FABP12: variants seen among roughly 807,000 people sequenced by gnomAD.
FABP12 encodes fatty acid-binding protein 12.
Under a neutral mutation model 13.7 loss-of-function variants are expected in FABP12, and 19 were observed. The ratio of observed to expected loss-of-function variants is 1.39; its 90% CI spans 0.97 to 2.04. FABP12 has a LOEUF of 2.04. FABP12 is among the 30% of genes most tolerant of loss of function. The pLI is 0.00. For missense variants in FABP12, 182 were observed against 164.2 expected (o/e 1.11, Z -0.59); for synonymous variants, 61 against 57.0 (o/e 1.07, Z -0.32).
intron 1 of FABP12, among the ~76,000 whole-genome samples, chr8:81,584,496 A>G (rs1810212851): frequency 6.6e-6 from 1 of 152,192 alleles, no homozygotes; most frequent in Admixed American, 6.5e-5. Context: ...AGTCCTCACA[A>G]TTTCTGAGAC....
At chr8:81,587,386 T>G (rs980334060) in intron 1 of FABP12, among the ~76,000 whole-genome samples, 7 of 152,184 alleles carry the variant, frequency 4.6e-5, no homozygotes, top group Non-Finnish European at 1.0e-4. Flanking sequence ...TTGGGCAGTA[T>G]GGCCATTTTA....
At chr8:81,548,416 G>C (rs1585844929) in intron 1 of FABP12, among the ~76,000 whole-genome samples, 1 of 152,190 alleles carries the variant, frequency 6.6e-6, no homozygotes, top group Admixed American at 6.5e-5. Context: ...AATCGTGTGA[G>C]ATGTATTCAA....
At chr8:81,545,874 C>T (rs73277219) in intron 1 of FABP12, among the ~76,000 whole-genome samples, 2,440 of 152,202 alleles carry the variant, frequency 0.016, 60 homozygotes, top group African/African-American at 0.056. Context: ...CGAATCAATC[C>T]ACTTGGGAAT....
At chr8:81,585,112 G>A (rs1362784990) in intron 1 of FABP12, among the ~76,000 whole-genome samples, 1 of 152,042 alleles carries the variant, frequency 6.6e-6, no homozygotes. Flanking sequence ...TCAGTTTTCG[G>A]TTTTGTTTCC....
chr8:81,534,175 ACC>A, upstream of FABP12, among the ~76,000 whole-genome samples: 1 of 151,708 alleles, frequency 6.6e-6, no homozygotes, highest in South Asian at 2.1e-4. Context: ...TCTCACTAAC[ACC>A]TCCAGCACCG....
At chr8:81,551,300 T>C (rs986577460) in intron 1 of FABP12, among the ~76,000 whole-genome samples, 4 of 152,160 alleles carry the variant, frequency 2.6e-5, no homozygotes, top group African/African-American at 4.8e-5. Context: ...AACAGTGATC[T>C]CAAACCTCAG....
At chr8:81,569,835 C>A (rs1033328304) in intron 1 of FABP12, among the ~76,000 whole-genome samples, 3 of 152,174 alleles carry the variant, frequency 2.0e-5, no homozygotes, top group African/African-American at 4.8e-5. Flanking sequence ...TGGGGTGTTG[C>A]TTTTCTGGCC....
At chr8:81,572,758 G>T (rs939688185) in intron 1 of FABP12, among the ~76,000 whole-genome samples, 1 of 151,970 alleles carries the variant, frequency 6.6e-6, no homozygotes, top group South Asian at 2.1e-4. Context: ...TTCTTTTGAG[G>T]ATTATCTATT....
chr8:81,567,076 A>G (rs1809835253), intron 1 of FABP12, among the ~76,000 whole-genome samples: 1 of 152,190 alleles, frequency 6.6e-6, no homozygotes, highest in Non-Finnish European at 1.5e-5. Flanking sequence ...AAAATTAAAT[A>G]CCAATAAATT....
At chr8:81,548,182 C>A (rs528287166) in intron 1 of FABP12, among the ~76,000 whole-genome samples, 5 of 152,276 alleles carry the variant, frequency 3.3e-5, no homozygotes, top group African/African-American at 1.2e-4. Flanking sequence ...GTAATTAAAT[C>A]AGAAGCTCTG....
intron 3 of FABP12, 23 bp downstream of exon 3, chr8:81,529,415 T>C (rs748191893): frequency 1.2e-6 from 2 of 1,610,948 alleles, no homozygotes; most frequent in South Asian, 2.2e-5. Flanking sequence ...GAAATGTGTC[T>C]GAAAGACTGT....
intron 3 of FABP12, among the ~76,000 whole-genome samples, chr8:81,527,818 G>A (rs931246896): frequency 6.6e-6 from 1 of 152,112 alleles, no homozygotes; most frequent in African/African-American, 2.4e-5. Context: ...AATTAGCCAG[G>A]TGTTGTGGCA....
chr8:81,574,871 T>G (rs577442637), intron 1 of FABP12, among the ~76,000 whole-genome samples: 1 of 152,116 alleles, frequency 6.6e-6, no homozygotes, highest in Admixed American at 6.5e-5. Flanking sequence ...TAATGGTCTA[T>G]CAATTTTATT....
At chr8:81,565,024 C>T (rs1024256631) in intron 1 of FABP12, among the ~76,000 whole-genome samples, 2 of 151,286 alleles carry the variant, frequency 1.3e-5, no homozygotes, top group Non-Finnish European at 3.0e-5. Flanking sequence ...CAAAACAGAG[C>T]AGGAAAAGCT....
chr8:81,578,841 T>TTTTTTTTTTATTG (rs1810103882), intron 1 of FABP12, among the ~76,000 whole-genome samples: 1 of 146,556 alleles, frequency 6.8e-6, no homozygotes. Context: ...TTTTTTTTTT[T>TTTTTTTTTTATTG]TGAGAAGGAG....
intron 1 of FABP12, among the ~76,000 whole-genome samples, chr8:81,571,401 G>A (rs1227177042): frequency 2.0e-5 from 3 of 152,214 alleles, no homozygotes; most frequent in Non-Finnish European, 4.4e-5. Context: ...GTAGGAGGAT[G>A]GGGGCGGCGC....
intron 1 of FABP12, among the ~76,000 whole-genome samples, chr8:81,585,322 C>A (rs1315487354): frequency 6.6e-6 from 1 of 152,158 alleles, no homozygotes; most frequent in Non-Finnish European, 1.5e-5. Context: ...GTTTTACCAG[C>A]ATCATTTATT....
chr8:81,531,583 C>T (rs993014280), intron 1 of FABP12, among the ~76,000 whole-genome samples, 193 bp from the exon 2 acceptor site: 1 of 152,138 alleles, frequency 6.6e-6, no homozygotes, highest in Non-Finnish European at 1.5e-5. Context: ...TTTCCAACAC[C>T]AATTTAGCAT....
rs147581090 is a variant in FABP12 at position 81,558,516 on chromosome 8, G to A, written c.-184-18773C>T. Among the ~76,000 whole-genome samples, 160 of 152,196 alleles carry A rather than the reference G, an allele frequency of 1.1e-3. 1 individual carries two copies. Among genetic ancestry groups the A allele is most frequent in the African/African-American group, 3.1e-3 (130 of 41,510 alleles). ...GCCGCAGTCCCTGAGCCTGCTCCAC[G>A]TGAAGGCAGCCATGGCCAGGCAAAA... On this transcript the variant is annotated intron_variant, in intron 1 of 5. Transcript: ENST00000692030.
Sources: gnomAD v4.1 joint callset for allele counts (sites outside exome capture counted in the v4.1 genomes callset) on GRCh38, gnomAD v4.1.1 for gene constraint, MANE v1.5 for transcripts, NCBI Gene and HGNC (gene_info 2026-07-23, HGNC 2026-07-21) for gene names.